RBFOX1: variants seen among roughly 807,000 people sequenced by gnomAD.
The protein encoded by RBFOX1 is RNA binding protein fox-1 homolog 1.
Under a neutral mutation model 57.7 loss-of-function variants are expected in RBFOX1, and 8 were observed. The ratio of observed to expected loss-of-function variants is 0.14; its 90% CI spans 0.08 to 0.25. The LOEUF is 0.25. RBFOX1 is among the 10% of genes least tolerant of loss of function. The pLI, the probability that RBFOX1 is intolerant of heterozygous loss-of-function variation, is 1.00. For synonymous variants in RBFOX1, 326 were observed against 222.4 expected (o/e 1.47, Z -4.15); for missense variants, 611 against 548.5 (o/e 1.11, Z -1.14).
At chr16:6,551,750 A>G (rs1045245600) in intron 2 of RBFOX1, among the ~76,000 whole-genome samples, 10 of 152,160 alleles carry the variant, frequency 6.6e-5, no homozygotes, top group African/African-American at 2.4e-4. Flanking sequence ...ATAAGGCAGC[A>G]GTTGTGGACA....
rs1277303920 is a variant in RBFOX1 at position 5,905,057 on chromosome 16, A to T, written c.351+37722A>T. On this transcript the variant is annotated intron_variant, in intron 4 of 19. Transcript: ENST00000641259. ...CCTTAATCCCATATGACTCCATATG[A>T]CTGGTGCTTTTTTTTTTTTTTTTTT... is the stretch of plus-strand genomic sequence containing the variant. Among the ~76,000 whole-genome samples the T allele has an allele frequency of 3.8e-5, 5 of 132,248 alleles. 1 individual carries two copies. Among genetic ancestry groups the T allele is most frequent in the Non-Finnish European group, 7.8e-5 (5 of 64,088 alleles). The allele number at this position is 132,248 out of a possible 152,430, so 86.8% of individuals were successfully genotyped here.
chr16:6,390,948 T>G (rs2092571105), intron 2 of RBFOX1, among the ~76,000 whole-genome samples: 1 of 152,134 alleles, frequency 6.6e-6, no homozygotes, highest in South Asian at 2.1e-4. Flanking sequence ...CTACTGACAT[T>G]CGAAGCTGGA....
intron 4 of RBFOX1, among the ~76,000 whole-genome samples, chr16:7,212,244 A>G (rs764646939): frequency 2.0e-5 from 3 of 152,186 alleles, no homozygotes; most frequent in Non-Finnish European, 4.4e-5. Flanking sequence ...GGGAAGCACA[A>G]GCTACTAAAT....
rs567270449 is a variant in RBFOX1 at position 6,980,447 on chromosome 16, A to G, written c.-15-71610A>G. Among the ~76,000 whole-genome samples the G allele has an allele frequency of 5.9e-5, 9 of 152,332 alleles. No individual in the cohort carries two copies. In the East Asian group the frequency reaches 1.4e-3, roughly 23 times the overall value. On this transcript the variant is annotated intron_variant, in intron 3 of 15. Transcript: ENST00000550418. ...ACAGAAAGATATGTTTACAAAAGCAAAAAACTTGTCTTCTTATGTTGAAAT... is the reference window on the plus strand; with the variant it reads ...ACAGAAAGATATGTTTACAAAAGCAGAAAACTTGTCTTCTTATGTTGAAAT...
intron 3 of RBFOX1, among the ~76,000 whole-genome samples, chr16:6,909,930 C>T (rs1027839721): frequency 6.6e-6 from 1 of 151,826 alleles, no homozygotes; most frequent in African/African-American, 2.4e-5. Flanking sequence ...CTTTTTTTTG[C>T]TTAGCAAACT....
At chr16:5,866,273 G>T (rs1003183119) in intron 3 of RBFOX1, among the ~76,000 whole-genome samples, 1 of 152,182 alleles carries the variant, frequency 6.6e-6, no homozygotes. Context: ...CCAGGCAGCT[G>T]TCTCTTCTTT....
At chr16:5,786,506 C>T (rs1298987942) in intron 3 of RBFOX1, among the ~76,000 whole-genome samples, 2 of 152,160 alleles carry the variant, frequency 1.3e-5, no homozygotes, top group African/African-American at 4.8e-5. Context: ...TGCCGTGTGT[C>T]AGGGTGTGTT....
intron 3 of RBFOX1, among the ~76,000 whole-genome samples, chr16:7,040,697 G>GT (rs2153705725): frequency 6.6e-6 from 1 of 152,166 alleles, no homozygotes; most frequent in East Asian, 1.9e-4. Context: ...TGTGTGCATA[G>GT]TTTTTTATAC....
At chr16:7,049,229 C>G (rs568506817) in intron 3 of RBFOX1, among the ~76,000 whole-genome samples, 2 of 152,040 alleles carry the variant, frequency 1.3e-5, no homozygotes, top group Non-Finnish European at 2.9e-5. Context: ...TTTCTGTTCA[C>G]CTGCTTCTCA....
chr16:7,601,248 T>A (rs539547701), intron 9 of RBFOX1, among the ~76,000 whole-genome samples: 1 of 152,232 alleles, frequency 6.6e-6, no homozygotes, highest in African/African-American at 2.4e-5. Flanking sequence ...AAACTCTCCA[T>A]GTGCCAGCTC....
chr16:5,717,185 T>A (rs971849344), intron 3 of RBFOX1, among the ~76,000 whole-genome samples: 3 of 152,222 alleles, frequency 2.0e-5, no homozygotes, highest in Non-Finnish European at 4.4e-5. Context: ...TTCAGTGTTA[T>A]AATAATTTAT....
At chr16:7,189,549 C>A (rs1043267312) in intron 4 of RBFOX1, among the ~76,000 whole-genome samples, 1 of 128,064 alleles carries the variant, frequency 7.8e-6, no homozygotes, top group African/African-American at 3.4e-5. Context: ...CACTATGTCC[C>A]CCAAAACACA....
intron 4 of RBFOX1, among the ~76,000 whole-genome samples, chr16:5,912,300 C>G (rs1177176027): frequency 1.3e-5 from 2 of 152,300 alleles, no homozygotes; most frequent in African/African-American, 2.4e-5. Flanking sequence ...CTCACCGTAT[C>G]ATTGACACAT....
At chr16:7,377,107 A>G (rs1190081847) in intron 4 of RBFOX1, among the ~76,000 whole-genome samples, 2 of 152,278 alleles carry the variant, frequency 1.3e-5, no homozygotes, top group Non-Finnish European at 2.9e-5. Flanking sequence ...GATATCTTAC[A>G]TGAAGGTAAT....
At chr16:7,640,904 T>TA (rs112548606) in intron 11 of RBFOX1, among the ~76,000 whole-genome samples, 19,195 of 146,508 alleles carry the variant, frequency 0.13, 1,248 homozygotes, top group African/African-American at 0.16. Context: ...GGATTTACAT[T>TA]AAAAAAAAAA....
At chr16:6,693,386 A>G (rs111208320) in intron 3 of RBFOX1, among the ~76,000 whole-genome samples, 8,573 of 150,902 alleles carry the variant, frequency 0.057, 647 homozygotes, top group East Asian at 0.4. Flanking sequence ...CTACTCCACT[A>G]GAATCACCAT....
chr16:6,463,601 G>A (rs1180658551), intron 2 of RBFOX1, among the ~76,000 whole-genome samples: 1 of 152,110 alleles, frequency 6.6e-6, no homozygotes, highest in East Asian at 1.9e-4. Flanking sequence ...TTTCAGACAG[G>A]AAAACCAAGG....
chr16:6,013,371 G>A (rs1183980048), intron 4 of RBFOX1, among the ~76,000 whole-genome samples: 1 of 152,142 alleles, frequency 6.6e-6, no homozygotes, highest in Non-Finnish European at 1.5e-5. Flanking sequence ...TTTCCAAAGT[G>A]TTCTTTATAT....
intron 4 of RBFOX1, among the ~76,000 whole-genome samples, chr16:7,128,170 A>C (rs1567367524): frequency 6.6e-6 from 1 of 152,236 alleles, no homozygotes; most frequent in Non-Finnish European, 1.5e-5. Flanking sequence ...TCTGACAAGA[A>C]CAATAAAATC....
Sources: gnomAD v4.1 joint callset for allele counts (sites outside exome capture counted in the v4.1 genomes callset) on GRCh38, gnomAD v4.1.1 for gene constraint, MANE v1.5 for transcripts, NCBI Gene and HGNC (gene_info 2026-07-23, HGNC 2026-07-21) for gene names.